Variants in RBFOX3 observed in about 807,000 individuals in gnomAD.
RBFOX3 encodes RNA binding protein fox-1 homolog 3.
RBFOX3 carries 17 observed loss-of-function variants against 48.7 expected under a neutral mutation model. The observed-to-expected ratio is 0.35, with a 90% CI of 0.24 to 0.52. The LOEUF (loss-of-function observed/expected upper bound fraction) is 0.52. Among genes scored for constraint, RBFOX3 ranks in the 20% least tolerant of loss-of-function variants. The pLI is 0.94. For synonymous variants in RBFOX3, 212 were observed against 209.5 expected (o/e 1.01, Z -0.10); for missense variants, 382 against 497.5 (o/e 0.77, Z 2.21).
chr17:79,509,520 C>T (rs1293741916), intron 1 of RBFOX3, among the ~76,000 whole-genome samples: 7 of 152,152 alleles, frequency 4.6e-5, no homozygotes, highest in African/African-American at 1.7e-4. Flanking sequence ...CCAGGGCAGG[C>T]AGGCACTTGT....
chr17:79,484,378 T>C (rs9675146), intron 1 of RBFOX3, among the ~76,000 whole-genome samples: 78,103 of 151,936 alleles, frequency 0.51, 20,246 homozygotes, highest in Middle Eastern at 0.56. Context: ...CACTGCTGGG[T>C]GTGGGAGCCA....
At position 79,376,922 on chromosome 17, in the gene RBFOX3, C is replaced by T. The variant is rs565918462; in HGVS notation, c.-174-69098G>A. 5.9e-5 allele frequency among the ~76,000 whole-genome samples: 9 copies of T among 152,266 alleles called. No individual in the cohort carries two copies. In the East Asian group the frequency reaches 1.4e-3, roughly 23 times the overall value. ...AGCCCCCATTCTCTTCTCCCTTGCT[C>T]AGTGCCACCCCAGCCTGGAGCCCGA... On this transcript the variant is annotated intron_variant, in intron 2 of 14. Transcript: ENST00000693108.
intron 4 of RBFOX3, among the ~76,000 whole-genome samples, chr17:79,139,085 C>G (rs899342515): frequency 1.3e-5 from 2 of 149,550 alleles, no homozygotes; most frequent in Non-Finnish European, 3.0e-5. Flanking sequence ...CACATGCACA[C>G]AAGCACATGT....
At chr17:79,656,235 C>A in the RBFOX3 span, among the ~76,000 whole-genome samples, 2 of 152,320 alleles carry the variant, frequency 1.3e-5, no homozygotes, top group Admixed American at 1.3e-4. Flanking sequence ...CATTGTCTCT[C>A]CTGCAACTCC....
intron 1 of RBFOX3, among the ~76,000 whole-genome samples, chr17:79,543,872 G>A (rs893335676): frequency 1.3e-5 from 2 of 152,048 alleles, no homozygotes; most frequent in East Asian, 1.9e-4. Context: ...ATGCAGGGTG[G>A]GCCGAATGGG....
At position 79,229,581 on chromosome 17, in the gene RBFOX3, AAGAC is replaced by A. The variant is rs1175685005; in HGVS notation, c.-34+6181_-34+6184del. 8.9e-3 allele frequency among the ~76,000 whole-genome samples: 1,319 copies of A among 147,504 alleles called. 28 individuals carry two copies. The highest frequency in any genetic ancestry group is 0.032 in the African/African-American group (1,223 of 37,952). ...CTCAAAAAAAAAAAAAAAAAAAAAA[AAGAC>A]AGGAGAGCTCAAGTGGGCCAGGAAG... On this transcript the variant is annotated intron_variant, in intron 4 of 14. Coordinates refer to ENST00000693108, the MANE Select transcript of RBFOX3 (RefSeq NM_001350451.2).
intron 1 of RBFOX3, among the ~76,000 whole-genome samples, chr17:79,550,685 G>A (rs1265858455): frequency 1.3e-5 from 2 of 152,142 alleles, no homozygotes; most frequent in Non-Finnish European, 2.9e-5. Context: ...GGATAGGTAG[G>A]TGGATGGGTA....
intron 4 of RBFOX3, among the ~76,000 whole-genome samples, chr17:79,177,593 A>G (rs1474511597): frequency 6.6e-6 from 1 of 152,070 alleles, no homozygotes; most frequent in East Asian, 1.9e-4. Context: ...ACACTGGCAC[A>G]CCCATGCTGC....
intron 1 of RBFOX3, among the ~76,000 whole-genome samples, chr17:79,489,673 A>G (rs986828611): frequency 2.0e-4 from 31 of 152,314 alleles, no homozygotes; most frequent in African/African-American, 7.0e-4. Context: ...GCATTTCCTC[A>G]GGGTATGCAG....
In RBFOX3 at chr17:79,375,358, GACACACACACACACACACAC is replaced by G. The variant is rs534923135; in HGVS notation, c.-174-67554_-174-67535del. Among the ~76,000 whole-genome samples the G allele has an allele frequency of 1.8e-4, 25 of 136,292 alleles. No homozygotes were observed. In the East Asian group the frequency reaches 3.1e-3, roughly 17 times the overall value. 89.4% of individuals were successfully genotyped at this position (136,292 alleles called of 152,430 possible). A position where few individuals can be genotyped will look rare whatever the true frequency, so the allele number is the denominator to read the frequency against. On this transcript the variant is annotated intron_variant, in intron 2 of 14. Transcript: ENST00000693108. ...TGCTGGTCCAGTTAGGAAGACAGAA[GACACACACACACACACACAC>G]ACACACACACACACACACACACGAA...
In RBFOX3 at chr17:79,586,706, C is replaced by T. The variant is rs1275004829; in HGVS notation, c.-320+24120G>A. Among the ~76,000 whole-genome samples the T allele has an allele frequency of 2.0e-5, 3 of 152,200 alleles. 1 individual carries two copies. Among genetic ancestry groups the T allele is most frequent in the Non-Finnish European group, 1.5e-5 (1 of 68,040 alleles). On this transcript the variant is annotated intron_variant, in intron 1 of 14. Coordinates refer to ENST00000693108, the MANE Select transcript of RBFOX3 (RefSeq NM_001350451.2). Reference sequence around the variant, plus strand: ...TTTCAATCAGAAATATCAGAAGCTGCTTTGAATGTCCCTGCAGAGTTCTCA... The same window carrying T: ...TTTCAATCAGAAATATCAGAAGCTGTTTTGAATGTCCCTGCAGAGTTCTCA...
intron 2 of RBFOX3, among the ~76,000 whole-genome samples, chr17:79,350,862 C>T (rs1305012768): frequency 6.6e-6 from 1 of 152,232 alleles, no homozygotes; most frequent in Non-Finnish European, 1.5e-5. Context: ...ACTCTCCCAC[C>T]TTCCAGTGCC....
chr17:79,313,473 C>G (rs2077123415), intron 2 of RBFOX3, among the ~76,000 whole-genome samples: 1 of 152,178 alleles, frequency 6.6e-6, no homozygotes, highest in African/African-American at 2.4e-5. Context: ...GAGGTCTCAC[C>G]CCAGACCCCC....
At chr17:79,651,409 A>G in the RBFOX3 span, among the ~76,000 whole-genome samples, 34 of 152,214 alleles carry the variant, frequency 2.2e-4, no homozygotes, top group African/African-American at 7.9e-4. Context: ...GATGCGGATC[A>G]TGTTCTGTGG....
At chr17:79,138,993 A>ACACACGCACACAG (rs1475768671) in intron 4 of RBFOX3, among the ~76,000 whole-genome samples, 13 of 59,008 alleles carry the variant, frequency 2.2e-4, no homozygotes, top group African/African-American at 1.1e-3. Flanking sequence ...ACCCCCTCAC[A>ACACACGCACACAG]CACATGCACA....
At position 79,218,671 on chromosome 17, in the gene RBFOX3, C is replaced by T. The variant is rs544590239; in HGVS notation, c.-34+17095G>A. On this transcript the variant is annotated intron_variant, in intron 4 of 14. Coordinates refer to ENST00000693108, the MANE Select transcript of RBFOX3 (RefSeq NM_001350451.2). ...CAGGTCAGGGCCGGGAGCCGAGATGCAGGGAGGTCAGGGAACAGGGTTCCA... is the reference window on the plus strand; with the variant it reads ...CAGGTCAGGGCCGGGAGCCGAGATGTAGGGAGGTCAGGGAACAGGGTTCCA... 1.4e-3 allele frequency among the ~76,000 whole-genome samples: 208 copies of T among 152,204 alleles called. 2 individuals are homozygous for T. Among genetic ancestry groups the T allele is most frequent in the African/African-American group, 4.9e-3 (205 of 41,550 alleles).
intron 1 of RBFOX3, among the ~76,000 whole-genome samples, chr17:79,533,069 C>T (rs1420009439): frequency 6.6e-6 from 1 of 152,236 alleles, no homozygotes; most frequent in African/African-American, 2.4e-5. Flanking sequence ...CCCGTGATTC[C>T]TTTTAGTTTT....
intron 1 of RBFOX3, among the ~76,000 whole-genome samples, chr17:79,522,242 A>G (rs2086210207): frequency 6.6e-6 from 1 of 152,158 alleles, no homozygotes; most frequent in Non-Finnish European, 1.5e-5. Flanking sequence ...GTTCCCTGCC[A>G]TTATTTTTCT....
At position 79,329,050 on chromosome 17, in the gene RBFOX3, G is replaced by A. The variant is rs568713482; in HGVS notation, c.-174-21226C>T. ...TGCAAGAAAGGACCCACGTGGCCAG[G>A]AGGGACAGGGAGGAGGCTGGATACA... On this transcript the variant is annotated intron_variant, in intron 2 of 14. Transcript: ENST00000693108. Among the ~76,000 whole-genome samples, 67 of 152,236 alleles carry A rather than the reference G, an allele frequency of 4.4e-4. 1 individual carries two copies. The South Asian group carries it at 0.013, about 29-fold the overall frequency.
Sources: allele counts gnomAD v4.1 joint callset (sites outside exome capture counted in the v4.1 genomes callset), GRCh38; gene constraint gnomAD v4.1.1; transcripts MANE v1.5; gene names NCBI Gene and HGNC (gene_info 2026-07-23, HGNC 2026-07-21).